Variants in PRKG1 observed in about 807,000 individuals in gnomAD.
PRKG1 encodes protein kinase cGMP-dependent 1.
In PRKG1, 35 loss-of-function variants were observed where a neutral mutation model predicts 88.1. The ratio of observed to expected loss-of-function variants is 0.40; its 90% CI spans 0.30 to 0.53. The LOEUF (loss-of-function observed/expected upper bound fraction) is 0.53. Among genes scored for constraint, PRKG1 ranks in the 20% least tolerant of loss-of-function variants. PRKG1 has a pLI of 0.59. For synonymous variants in PRKG1, 303 were observed against 292.5 expected (o/e 1.04, Z -0.37); for missense variants, 540 against 839.8 (o/e 0.64, Z 4.41).
At chr10:51,353,636 T>A (rs769856451) in intron 2 of PRKG1, among the ~76,000 whole-genome samples, 2 of 152,020 alleles carry the variant, frequency 1.3e-5, no homozygotes, top group Non-Finnish European at 2.9e-5. Flanking sequence ...TATCCAAAAG[T>A]CAGGCAATAA....
intron 3 of PRKG1, among the ~76,000 whole-genome samples, chr10:51,589,943 G>A (rs945333045): frequency 6.6e-6 from 1 of 152,124 alleles, no homozygotes; most frequent in African/African-American, 2.4e-5. Context: ...AGAAATGGAA[G>A]CAATCAATTA....
intron 8 of PRKG1, among the ~76,000 whole-genome samples, chr10:52,134,135 C>T (rs1362973736): frequency 3.3e-5 from 5 of 152,108 alleles, no homozygotes; most frequent in African/African-American, 9.7e-5. Flanking sequence ...TTCGGCTCAG[C>T]TCATTTGTAA....
rs1385152884 is a variant in PRKG1, at chr10:51,768,035, AC to A, written c.593-36549del. On this transcript the variant is annotated intron_variant, in intron 3 of 17. Transcript: ENST00000373980. ...AAAAAAAAAATAAATAAATAAAAAA[AC>A]GTTTTAAAATGCACTAAATTATTGC... Among the ~76,000 whole-genome samples the A allele has an allele frequency of 1.7e-4, 25 of 151,082 alleles. No homozygotes were observed. The East Asian group carries it at 1.7e-3, about 11-fold the overall frequency.
At chr10:51,229,141 C>T (rs1838769821) in intron 2 of PRKG1, among the ~76,000 whole-genome samples, 1 of 152,138 alleles carries the variant, frequency 6.6e-6, no homozygotes. Flanking sequence ...TATAATTTTA[C>T]ATTAATTTTT....
At chr10:51,565,937 T>C (rs1038494532) in intron 3 of PRKG1, among the ~76,000 whole-genome samples, 1 of 152,160 alleles carries the variant, frequency 6.6e-6, no homozygotes, top group African/African-American at 2.4e-5. Flanking sequence ...AACTGGGTTC[T>C]GAACTTATTT....
chr10:51,048,727 G>A (rs752169018), intron 1 of PRKG1, among the ~76,000 whole-genome samples: 3 of 152,146 alleles, frequency 2.0e-5, no homozygotes, highest in Non-Finnish European at 4.4e-5. Flanking sequence ...CCAAAAGAGA[G>A]TAATAATTTC....
At chr10:51,766,490 G>A (rs1838167477) in intron 3 of PRKG1, among the ~76,000 whole-genome samples, 1 of 152,086 alleles carries the variant, frequency 6.6e-6, no homozygotes, top group African/African-American at 2.4e-5. Context: ...CCCCAACCAT[G>A]CCCCACACCA....
At chr10:52,251,544 C>T in intron 9 of PRKG1, 26 bp from the exon 10 acceptor site, 1 of 1,594,284 alleles carries the variant, frequency 6.3e-7, no homozygotes, top group Non-Finnish European at 8.6e-7. Flanking sequence ...TAAGAAATTT[C>T]CATTTTTTCA....
chr10:51,132,918 G>C (rs561599844), intron 1 of PRKG1, among the ~76,000 whole-genome samples: 1 of 151,898 alleles, frequency 6.6e-6, no homozygotes, highest in Non-Finnish European at 1.5e-5. Flanking sequence ...CCCCATAAAT[G>C]TATATAATTA....
chr10:51,467,818 C>G lies in PRKG1; in HGVS notation c.574C>G (p.Arg192Gly). ...GELAILYNCT[R>G]TATVKTLVNV... ...ATTGGCTATTCTTTACAACTGTACC[C>G]GGACAGCGACCGTCAAGAGTAAGAC... Residue 192 changes from arginine to glycine, a missense_variant, in exon 3 of 18, where the codon CGG becomes GGG. Arg to Gly is a moderately radical substitution (Grantham distance 125). Transcript: ENST00000373980. 1.2e-6 allele frequency: 2 copies of G among 1,611,890 alleles called. No homozygotes were observed. Among genetic ancestry groups the G allele is most frequent in the Non-Finnish European group, 1.7e-6 (2 of 1,178,146 alleles).
At chr10:51,302,141 G>T (rs563263114) in intron 2 of PRKG1, among the ~76,000 whole-genome samples, 1 of 152,112 alleles carries the variant, frequency 6.6e-6, no homozygotes, top group Non-Finnish European at 1.5e-5. Flanking sequence ...AATACACTCC[G>T]CCATTAGCAC....
At chr10:51,191,070 T>C (rs757750797) in intron 2 of PRKG1, among the ~76,000 whole-genome samples, 6 of 151,888 alleles carry the variant, frequency 4.0e-5, no homozygotes, top group African/African-American at 9.7e-5. Context: ...TAAACTGTTA[T>C]ACCTTGATAT....
chr10:51,093,248 C>T (rs1160553152), intron 1 of PRKG1, among the ~76,000 whole-genome samples: 1 of 152,132 alleles, frequency 6.6e-6, no homozygotes, highest in African/African-American at 2.4e-5. Context: ...CTAGGGCTAG[C>T]AATCTGTATT....
intron 5 of PRKG1, among the ~76,000 whole-genome samples, chr10:52,041,793 A>G (rs1263122404): frequency 6.6e-6 from 1 of 152,134 alleles, no homozygotes; most frequent in African/African-American, 2.4e-5. Flanking sequence ...GTGATCTTAA[A>G]TATGTAAAAC....
intron 3 of PRKG1, among the ~76,000 whole-genome samples, chr10:51,728,679 T>A (rs1335904887): frequency 6.6e-6 from 1 of 152,258 alleles, no homozygotes; most frequent in East Asian, 1.9e-4. Context: ...GCTATTGTAA[T>A]TACAGAGTGA....
rs531728027 is a variant in PRKG1, at chr10:51,627,970, C to CTTTCTTTCTT, written c.592+160135_592+160136insTTCTTTCTTT. On this transcript the variant is annotated intron_variant, in intron 3 of 17. Coordinates refer to ENST00000373980, the MANE Select transcript of PRKG1 (RefSeq NM_006258.4). ...TCTTTCTTTCTTTCTTTCTTTCTTT[C>CTTTCTTTCTT]TCTTTCTTTCTTTCTTTCTTTCTCT... 3.8e-4 allele frequency among the ~76,000 whole-genome samples: 33 copies of CTTTCTTTCTT among 86,358 alleles called. 1 individual carries two copies. The highest frequency in any genetic ancestry group is 9.7e-4 in the African/African-American group (23 of 23,714). The allele number at this position is 86,358 out of a possible 152,430, so 56.7% of individuals were successfully genotyped here. A position where few individuals can be genotyped will look rare whatever the true frequency, so the allele number is the denominator to read the frequency against.
intron 4 of PRKG1, among the ~76,000 whole-genome samples, chr10:51,905,273 A>AT (rs375466520): frequency 7.6e-4 from 116 of 152,294 alleles, no homozygotes; most frequent in African/African-American, 2.5e-3. Context: ...GGTGCAACAG[A>AT]TGGTCCTGGG....
chr10:51,896,271 T>C (rs1202337156), intron 4 of PRKG1, among the ~76,000 whole-genome samples: 1 of 152,184 alleles, frequency 6.6e-6, no homozygotes, highest in Non-Finnish European at 1.5e-5. Flanking sequence ...ACATTTTGCA[T>C]ATACTGTATC....
intron 2 of PRKG1, among the ~76,000 whole-genome samples, chr10:51,225,982 TTGTC>T (rs1384406879): frequency 4.7e-4 from 71 of 152,302 alleles, no homozygotes; most frequent in African/African-American, 1.7e-3. Context: ...GGTGAATGGA[TTGTC>T]TGAGCTCAGG....
Sources: gnomAD v4.1 joint callset for allele counts (sites outside exome capture counted in the v4.1 genomes callset) on GRCh38, gnomAD v4.1.1 for gene constraint, MANE v1.5 for transcripts, NCBI Gene and HGNC (gene_info 2026-07-23, HGNC 2026-07-21) for gene names.